ANK3: variants seen among roughly 807,000 people sequenced by gnomAD.
The protein encoded by ANK3 is ankyrin 3.
A neutral mutation model predicts 370.9 loss-of-function variants in ANK3; 57 were observed. The ratio of observed to expected loss-of-function variants is 0.15; its 90% CI spans 0.12 to 0.19. The LOEUF is 0.19. Ranked by LOEUF, ANK3 falls within the 10% of genes least tolerant of loss-of-function variation. The probability of loss-of-function intolerance (pLI) is 1.00; values close to 1 mark genes in which losing one functional copy is unlikely to be tolerated. For synonymous variants in ANK3, 1,929 were observed against 1,946.3 expected (o/e 0.99, Z 0.23); for missense variants, 4,439 against 5,302.1 (o/e 0.84, Z 5.06).
chr10:60,155,398 G>A (rs550870676), intron 23 of ANK3, among the ~76,000 whole-genome samples: 1 of 152,136 alleles, frequency 6.6e-6, no homozygotes, highest in Non-Finnish European at 1.5e-5. Context: ...GGCCAGAGGG[G>A]AATCCTCCAC....
In ANK3 at chr10:60,672,199, C is replaced by T. The variant is rs147167353; in HGVS notation, c.58-56975G>A. Among the ~76,000 whole-genome samples, 482 of 152,278 alleles carry T rather than the reference C, an allele frequency of 3.2e-3. 4 individuals carry two copies. The highest frequency in any genetic ancestry group is 0.011 in the African/African-American group (457 of 41,550). On this transcript the variant is annotated intron_variant, in intron 1 of 43. Coordinates refer to the ANK3 transcript ENST00000373827. ...CCTTGTAATTTCCTGAGCAGAGGTGCTAGATGCATCTTTTGTTTTGATATT... is the reference window on the plus strand; with the variant it reads ...CCTTGTAATTTCCTGAGCAGAGGTGTTAGATGCATCTTTTGTTTTGATATT...
intron 1 of ANK3, among the ~76,000 whole-genome samples, chr10:60,362,961 G>A (rs553444089): frequency 1.3e-5 from 2 of 151,950 alleles, no homozygotes; most frequent in African/African-American, 2.4e-5. Flanking sequence ...GGACATAGAT[G>A]ACTTGTTCTC....
intron 25 of ANK3, among the ~76,000 whole-genome samples, chr10:60,128,855 G>GT (rs2093916224): frequency 6.6e-6 from 1 of 152,200 alleles, no homozygotes; most frequent in East Asian, 1.9e-4. Context: ...GACACTGAAG[G>GT]TATCTAGTGA....
chr10:60,372,614 T>G (rs537006739), intron 1 of ANK3, among the ~76,000 whole-genome samples: 2 of 152,258 alleles, frequency 1.3e-5, no homozygotes, highest in East Asian at 3.9e-4. Flanking sequence ...ACATTTCCAG[T>G]CACAGGCAAT....
intron 4 of ANK3, among the ~76,000 whole-genome samples, chr10:60,274,800 A>G (rs576094726): frequency 6.6e-6 from 1 of 152,350 alleles, no homozygotes; most frequent in Non-Finnish European, 1.5e-5. Flanking sequence ...CTCTCCCTGT[A>G]ATTCAAGTAA....
chr10:60,411,778 A>G (rs1378492679), intron 2 of ANK3, among the ~76,000 whole-genome samples: 1 of 152,198 alleles, frequency 6.6e-6, no homozygotes, highest in Non-Finnish European at 1.5e-5. Flanking sequence ...CCACATTTCT[A>G]AAGTGTAGAA....
chr10:60,447,800 A>T (rs1467030723), intron 2 of ANK3, among the ~76,000 whole-genome samples: 1 of 152,168 alleles, frequency 6.6e-6, no homozygotes, highest in Non-Finnish European at 1.5e-5. Flanking sequence ...AGCAGTTGGC[A>T]GGCCTAGATA....
At position 60,074,438 on chromosome 10, in the gene ANK3, C is replaced by T; in HGVS notation, c.6443G>A (p.Gly2148Asp). The change falls in exon 37 of 44, where the codon GGT (glycine) becomes GAT (aspartate). Residue 2148 changes from glycine to aspartate, a missense_variant. Physicochemically the swap from Gly to Asp is moderately conservative, Grantham distance 94. Transcript: ENST00000280772. ...PSAPQSAEST[G>D]PKPLFHEVPI... ...AACTTCATGAAAAAGTGGTTTAGGA[C>T]CAGTGCTTTCAGCGCTTTGTGGGGC... is the stretch of plus-strand genomic sequence containing the variant. 2 of 1,614,082 alleles carry T rather than the reference C, an allele frequency of 1.2e-6. No homozygotes were observed. The highest frequency in any genetic ancestry group is 1.7e-6 in the Non-Finnish European group (2 of 1,179,990).
intron 1 of ANK3, among the ~76,000 whole-genome samples, chr10:60,649,372 T>C (rs1296916705): frequency 5.9e-5 from 9 of 152,168 alleles, no homozygotes; most frequent in South Asian, 2.1e-4. Flanking sequence ...ATTTTTACCA[T>C]AGTAATCATT....
intron 1 of ANK3, among the ~76,000 whole-genome samples, chr10:60,353,786 T>A (rs2057313075): frequency 6.6e-6 from 1 of 152,210 alleles, no homozygotes; most frequent in Non-Finnish European, 1.5e-5. Context: ...AAAATAAACA[T>A]TGCCTCAGAA....
At chr10:60,274,553 T>C (rs985779623) in intron 4 of ANK3, among the ~76,000 whole-genome samples, 1 of 152,092 alleles carries the variant, frequency 6.6e-6, no homozygotes, top group Non-Finnish European at 1.5e-5. Flanking sequence ...TAGACACACA[T>C]GCAGGCTATC....
chr10:60,144,187 T>C, intron 23 of ANK3: 1 of 446,322 alleles, frequency 2.2e-6, no homozygotes. Flanking sequence ...CTTAAATCAC[T>C]GAGTTTCGGG....
intron 2 of ANK3, among the ~76,000 whole-genome samples, chr10:60,516,487 C>T (rs1040473431): frequency 1.3e-5 from 2 of 152,068 alleles, no homozygotes; most frequent in African/African-American, 2.4e-5. Flanking sequence ...TTCACTGTAA[C>T]GTCCTACTTT....
At chr10:60,036,405 G>T (rs2074974269) in intron 43 of ANK3, among the ~76,000 whole-genome samples, 1 of 145,034 alleles carries the variant, frequency 6.9e-6, no homozygotes, top group Non-Finnish European at 1.5e-5. Flanking sequence ...CTCTGCGGAA[G>T]AGAGAGGTCA....
intron 25 of ANK3, among the ~76,000 whole-genome samples, chr10:60,129,121 T>C (rs946392268): frequency 6.6e-6 from 1 of 152,148 alleles, no homozygotes. Flanking sequence ...CACATACAAA[T>C]CTGAGCTTAT....
intron 23 of ANK3, among the ~76,000 whole-genome samples, chr10:60,165,625 G>T (rs2095605866): frequency 6.6e-6 from 1 of 152,078 alleles, no homozygotes; most frequent in Admixed American, 6.6e-5. Context: ...CCACTATTTA[G>T]GTTCCCAATG....
At chr10:60,447,808 A>G (rs989359658) in intron 2 of ANK3, among the ~76,000 whole-genome samples, 1 of 152,166 alleles carries the variant, frequency 6.6e-6, no homozygotes, top group Non-Finnish European at 1.5e-5. Context: ...GCAGGCCTAG[A>G]TACGCAACCC....
chr10:60,504,219 G>C (rs1241339912), intron 2 of ANK3, among the ~76,000 whole-genome samples: 2 of 152,112 alleles, frequency 1.3e-5, no homozygotes, highest in Non-Finnish European at 2.9e-5. Context: ...GCTCCAAATA[G>C]TAGGTCTATC....
At chr10:60,649,230 A>G (rs2078754217) in intron 1 of ANK3, among the ~76,000 whole-genome samples, 1 of 152,166 alleles carries the variant, frequency 6.6e-6, no homozygotes, top group Non-Finnish European at 1.5e-5. Context: ...GAGGAAAAGC[A>G]TAGAGCAAGT....
Sources: gnomAD v4.1 joint callset for allele counts (sites outside exome capture counted in the v4.1 genomes callset) on GRCh38, gnomAD v4.1.1 for gene constraint, MANE v1.5 for transcripts, NCBI Gene and HGNC (gene_info 2026-07-23, HGNC 2026-07-21) for gene names.